Variants in POM121C observed in about 807,000 individuals in gnomAD.
POM121C encodes the protein nuclear envelope pore membrane protein POM 121C.
Under a neutral mutation model 66.4 loss-of-function variants are expected in POM121C, and 20 were observed. The ratio of observed to expected loss-of-function variants is 0.30; its 90% CI spans 0.21 to 0.44. The LOEUF is 0.44. Ranked by LOEUF, POM121C falls within the 20% of genes least tolerant of loss-of-function variation. The pLI is 1.00. For synonymous variants in POM121C, 286 were observed against 528.0 expected (o/e 0.54, Z 6.28); for missense variants, 580 against 1,225.7 (o/e 0.47, Z 7.87).
At chr7:75,452,030 G>C (rs1440102233) in intron 3 of POM121C, among the ~76,000 whole-genome samples, 37 of 151,692 alleles carry the variant, frequency 2.4e-4, no homozygotes, top group Non-Finnish European at 4.4e-4. Context: ...CTGGCATGGT[G>C]GTGGGCACCT....
chr7:75,477,657 G>T (rs2116539023), intron 1 of POM121C, among the ~76,000 whole-genome samples: 1 of 152,178 alleles, frequency 6.6e-6, no homozygotes, highest in Non-Finnish European at 1.5e-5. Context: ...GGCCAGGTGT[G>T]GTGGCTCATG....
chr7:75,481,068 C>T (rs1266348190), intron 1 of POM121C, among the ~76,000 whole-genome samples: 4 of 147,050 alleles, frequency 2.7e-5, no homozygotes, highest in East Asian at 2.0e-4. Flanking sequence ...TATACACATA[C>T]GTATATAGGC....
At chr7:75,438,115 TAA>T (rs1211910083) in intron 6 of POM121C, among the ~76,000 whole-genome samples, 1 of 151,478 alleles carries the variant, frequency 6.6e-6, no homozygotes, top group Non-Finnish European at 1.5e-5. Flanking sequence ...ACAAAGCTGT[TAA>T]AAAAAAATCA....
rs187254389 is a variant in POM121C, at chr7:75,482,658, C to A, written c.-458+3206G>T. Among the ~76,000 whole-genome samples the A allele has an allele frequency of 4.0e-3, 615 of 152,068 alleles. 3 individuals carry two copies. The highest frequency in any genetic ancestry group is 0.014 in the African/African-American group (586 of 41,480). ...TGAGTTGTGATCACGTCTCTACACTCCAACCTGGGTGACAGAGCAAGACCC... is the reference window on the plus strand; with the variant it reads ...TGAGTTGTGATCACGTCTCTACACTACAACCTGGGTGACAGAGCAAGACCC... On this transcript the variant is annotated intron_variant, in intron 1 of 14. Coordinates refer to ENST00000615331, the MANE Select transcript of POM121C (RefSeq NM_001099415.3).
intron 3 of POM121C, among the ~76,000 whole-genome samples, chr7:75,473,663 G>A (rs1584713135): frequency 6.6e-6 from 1 of 152,062 alleles, no homozygotes; most frequent in South Asian, 2.1e-4. Flanking sequence ...ATAAGTCCAA[G>A]GTTTTTTTTT....
Position 75,486,174 on chromosome 7 carries a change from GC to G in POM121C, c.-769del. 3.2e-6 allele frequency: 1 copy of G among 314,170 alleles called. No homozygotes were observed. Among genetic ancestry groups the G allele is most frequent in the South Asian group, 2.3e-5 (1 of 42,898 alleles). 19.5% of individuals were successfully genotyped at this position (314,170 alleles called of 1,614,324 possible). Reference sequence around the variant, plus strand: ...ACCCTGGGCCGCACAGCTCCCGCCCGCCTAGGTGCTGGTCCGGGCGGTCAGC... The same window carrying G: ...ACCCTGGGCCGCACAGCTCCCGCCCGCTAGGTGCTGGTCCGGGCGGTCAGC... On this transcript the variant is annotated 5_prime_UTR_variant, in exon 1 of 15. Coordinates refer to ENST00000615331, the MANE Select transcript of POM121C (RefSeq NM_001099415.3).
At chr7:75,424,893 G>A in intron 10 of POM121C, 181 bp downstream of exon 10, 1 of 1,347,556 alleles carries the variant, frequency 7.4e-7, no homozygotes, top group Non-Finnish European at 9.9e-7. Context: ...TCAGGAGGCA[G>A]AGGTTACGGT....
At position 75,419,528 on chromosome 7, in the gene POM121C, C is replaced by G. The variant is rs1191863588; in HGVS notation, c.2744-86G>C. 3 of 1,500,196 alleles carry G rather than the reference C, an allele frequency of 2.0e-6. No individual in the cohort carries two copies. In the African/African-American group the frequency reaches 4.3e-5, roughly 21 times the overall value. The allele number at this position is 1,500,196 out of a possible 1,614,324, so 92.9% of individuals were successfully genotyped here. A position where few individuals can be genotyped will look rare whatever the true frequency, so the allele number is the denominator to read the frequency against. On this transcript the variant is annotated intron_variant, in intron 13 of 14. Coordinates refer to ENST00000615331, the MANE Select transcript of POM121C (RefSeq NM_001099415.3). The stretch of plus-strand genomic sequence containing the variant: ...GGGCAGGAGCCTGTGCTCTGCAGGG[C>G]ACTTCCCACGGGACCCTCAGCCCCA...
Position 75,417,157 on chromosome 7 carries a change from T to A in POM121C, c.*1639A>T, listed in dbSNP as rs587664426. 2.0e-6 allele frequency: 2 copies of A among 995,592 alleles called. No homozygotes were observed. The highest frequency in any genetic ancestry group is 5.2e-5 in the Admixed American group (1 of 19,062). 61.7% of individuals were successfully genotyped at this position (995,592 alleles called of 1,614,324 possible). ...CCTCAGCTGCACACGCAGCCAGGTA[T>A]AACACTCGCCCTCAGTCACAACGGG... On this transcript the variant is annotated 3_prime_UTR_variant, in exon 15 of 15. Transcript: ENST00000615331.
chr7:75,473,377 A>G (rs62477686), intron 3 of POM121C, among the ~76,000 whole-genome samples: 138,342 of 151,426 alleles, frequency 0.91, 63,219 homozygotes, highest in Middle Eastern at 0.97. Flanking sequence ...AAAAGGAACC[A>G]ACATTCACTT....
At position 75,416,788 on chromosome 7, in the gene POM121C, C is replaced by A; in HGVS notation, c.*2008G>T. On this transcript the variant is annotated 3_prime_UTR_variant, in exon 15 of 15. Transcript: ENST00000615331. ...GAAATAAAATGCAGAACGTACTCTA[C>A]GATAGATCACAGTTTTTTATTCTTA... 6.5e-7 allele frequency: 1 copy of A among 1,529,326 alleles called. No homozygotes were observed. Among genetic ancestry groups the A allele is most frequent in the Non-Finnish European group, 8.8e-7 (1 of 1,137,864 alleles). The allele number at this position is 1,529,326 out of a possible 1,614,324, so 94.7% of individuals were successfully genotyped here.
Position 75,474,802 on chromosome 7 carries a change from G to A in POM121C, c.-250C>T. The A allele has an allele frequency of 7.7e-7, 1 of 1,302,326 alleles. No individual in the cohort carries two copies. The highest frequency in any genetic ancestry group is 1.3e-5 in the South Asian group (1 of 79,444). The allele number at this position is 1,302,326 out of a possible 1,614,324, so 80.7% of individuals were successfully genotyped here. Reference sequence around the variant, plus strand: ...GTTTGGCTTGGTGATATCATATCTTGTTAATGGGAAAAGAAGAAGGACTTG... The same window carrying A: ...GTTTGGCTTGGTGATATCATATCTTATTAATGGGAAAAGAAGAAGGACTTG... On this transcript the variant is annotated 5_prime_UTR_variant, in exon 3 of 15. Transcript: ENST00000615331.
chr7:75,442,835 G>T, intron 3 of POM121C: 4 of 1,132,010 alleles, frequency 3.5e-6, no homozygotes, highest in Non-Finnish European at 4.5e-6. Flanking sequence ...GCTACAGCCC[G>T]GCAGCTCCCG....
chr7:75,441,033 C>G lies in POM121C; in HGVS notation c.148G>C (p.Ala50Pro), dbSNP rs1790623828. The change falls in exon 5 of 15, where the codon GCC becomes CCC. Residue 50 changes from alanine to proline, a missense_variant. Ala to Pro is a conservative substitution (Grantham distance 27, BLOSUM62 -1). Transcript: ENST00000615331. ...CTTTTCTTCTTCTTCTCTTTGAGGGCACTCAGTACAGTCTCCTTTGCACAT... is the reference window on the plus strand; with the variant it reads ...CTTTTCTTCTTCTTCTCTTTGAGGGGACTCAGTACAGTCTCCTTTGCACAT... Reference protein sequence around the residue: ...DPCAKETVLSALKEKKKKRTV... With the variant: ...DPCAKETVLSPLKEKKKKRTV... 1.9e-6 allele frequency: 3 copies of G among 1,613,948 alleles called. No individual in the cohort carries two copies. The highest frequency in any genetic ancestry group is 2.5e-6 in the Non-Finnish European group (3 of 1,179,844).
At chr7:75,479,650 A>G (rs1554479846) in intron 1 of POM121C, among the ~76,000 whole-genome samples, 8 of 128,490 alleles carry the variant, frequency 6.2e-5, no homozygotes, top group South Asian at 2.5e-4. Context: ...TAAATAAATA[A>G]ATACAGTTTA....
At chr7:75,479,466 A>G (rs1792222402) in intron 1 of POM121C, among the ~76,000 whole-genome samples, 1 of 150,690 alleles carries the variant, frequency 6.6e-6, no homozygotes, top group African/African-American at 2.5e-5. Flanking sequence ...AAATACAAAA[A>G]TTAGCCGGGC....
intron 3 of POM121C, among the ~76,000 whole-genome samples, chr7:75,451,455 C>T (rs2116448863): frequency 8.3e-6 from 1 of 120,628 alleles, no homozygotes. Flanking sequence ...GCTGGGAAGA[C>T]TGGCTAGCCA....
At chr7:75,456,075 AAAC>A (rs1162383659) in intron 3 of POM121C, among the ~76,000 whole-genome samples, 5 of 152,130 alleles carry the variant, frequency 3.3e-5, no homozygotes, top group Admixed American at 1.3e-4. Context: ...GTCTGTACCA[AAAC>A]AACAACAACA....
At chr7:75,442,353 G>A (rs1293326974) in intron 3 of POM121C, 13 of 1,417,280 alleles carry the variant, frequency 9.2e-6, no homozygotes, top group Non-Finnish European at 2.7e-6. Flanking sequence ...CTGCCCATGA[G>A]GAGCAGTTCG....
Sources: gnomAD v4.1 joint callset for allele counts (sites outside exome capture counted in the v4.1 genomes callset) on GRCh38, gnomAD v4.1.1 for gene constraint, MANE v1.5 for transcripts, NCBI Gene and HGNC (gene_info 2026-07-23, HGNC 2026-07-21) for gene names.